The following BPTF variants were observed in gnomAD, a reference collection of about 807,000 sequenced individuals.
BPTF encodes the protein nucleosome-remodeling factor subunit BPTF.
In BPTF, 18 loss-of-function variants were observed where a neutral mutation model predicts 292.5. The observed-to-expected ratio is 0.06, with a 90% CI of 0.04 to 0.09. The LOEUF (loss-of-function observed/expected upper bound fraction) is 0.09, where lower values mean the gene tolerates loss of function less well. Ranked by LOEUF, BPTF falls within the 10% of genes least tolerant of loss-of-function variation. The pLI, the probability that BPTF is intolerant of heterozygous loss-of-function variation, is 1.00. For synonymous variants in BPTF, 1,225 were observed against 1,251.9 expected (o/e 0.98, Z 0.45); for missense variants, 2,726 against 3,498.7 (o/e 0.78, Z 5.57).
chr17:67,946,692 T>TG (rs1371255334), intron 21 of BPTF, among the ~76,000 whole-genome samples: 2 of 152,246 alleles, frequency 1.3e-5, no homozygotes, highest in Non-Finnish European at 2.9e-5. Flanking sequence ...TGTCATTCCT[T>TG]AGTTTGCATG....
chr17:67,920,291 A>G, intron 13 of BPTF, 148 bp downstream of exon 13: 1 of 869,208 alleles, frequency 1.2e-6, no homozygotes, highest in Middle Eastern at 3.4e-4. Flanking sequence ...TATTAAAGTA[A>G]TAAACATATC....
At chr17:67,933,875 A>G (rs141043312) in intron 18 of BPTF, among the ~76,000 whole-genome samples, 48 of 152,090 alleles carry the variant, frequency 3.2e-4, no homozygotes, top group African/African-American at 1.0e-3. Flanking sequence ...CCTGGCCAAC[A>G]TGGTGAAACC....
chr17:67,936,622 A>G lies in BPTF; in HGVS notation c.6260-3817A>G, dbSNP rs570051493. 4.6e-5 allele frequency: 7 copies of G among 152,228 alleles called. No homozygotes were observed. In the South Asian group the frequency reaches 1.2e-3, roughly 27 times the overall value. 9.4% of individuals were successfully genotyped at this position (152,228 alleles called of 1,614,324 possible). ...CTGGAGTCTTGAATCCCCTGTGAGGATAGGGTTTGTATGATGAACTACCCA... is the reference window on the plus strand; with the variant it reads ...CTGGAGTCTTGAATCCCCTGTGAGGGTAGGGTTTGTATGATGAACTACCCA... On this transcript the variant is annotated intron_variant, in intron 18 of 27. Coordinates refer to ENST00000306378, the MANE Select transcript of BPTF (RefSeq NM_182641.4).
chr17:67,863,919 A>G (rs992691150), intron 2 of BPTF, among the ~76,000 whole-genome samples: 4 of 151,686 alleles, frequency 2.6e-5, no homozygotes, highest in African/African-American at 9.7e-5. Flanking sequence ...TAGACATATA[A>G]TATGTATGTT....
At chr17:67,858,501 G>T (rs1373959022) in intron 2 of BPTF, among the ~76,000 whole-genome samples, 3 of 148,576 alleles carry the variant, frequency 2.0e-5, no homozygotes, top group Non-Finnish European at 4.4e-5. Context: ...GTTGCAATGA[G>T]CCGAGATGGC....
At chr17:67,888,972 G>A (rs1012736987) in intron 4 of BPTF, among the ~76,000 whole-genome samples, 6 of 152,150 alleles carry the variant, frequency 3.9e-5, no homozygotes, top group Non-Finnish European at 8.8e-5. Flanking sequence ...AGTACTTAAT[G>A]CCCAGTAACT....
intron 2 of BPTF, among the ~76,000 whole-genome samples, chr17:67,861,031 T>C (rs1157698941): frequency 6.6e-5 from 10 of 152,230 alleles, no homozygotes; most frequent in Admixed American, 1.3e-4. Context: ...AGCAGACTCC[T>C]GGACCTGTCC....
In BPTF at chr17:67,929,424, G is replaced by T. The variant is rs2147460338; in HGVS notation, c.6087G>T (p.Arg2029Ser). The change falls in exon 17 of 28, where the codon AGG becomes AGT. Residue 2029 changes from arginine to serine, a missense_variant. Arg to Ser is a moderately radical substitution (Grantham distance 110). This residue lies in a region of BPTF where 570 missense variants were observed against 633.5 expected (regional missense o/e 0.90). Coordinates refer to ENST00000306378, the MANE Select transcript of BPTF (RefSeq NM_182641.4). ...SQQTFTSFQP[R>S]TATVTIRPNT... is the part of the protein sequence containing the mutation. Reference sequence around the variant, plus strand: ...AAACCTTTACTTCATTCCAGCCCAGGACAGCAACAGTCACAATTAGGCCCA... The same window carrying T: ...AAACCTTTACTTCATTCCAGCCCAGTACAGCAACAGTCACAATTAGGCCCA... The T allele has an allele frequency of 6.2e-7, 1 of 1,614,046 alleles. No individual in the cohort carries two copies. The highest frequency in any genetic ancestry group is 2.2e-5 in the East Asian group (1 of 44,880).
intron 2 of BPTF, among the ~76,000 whole-genome samples, chr17:67,857,078 T>C (rs985059577): frequency 6.6e-6 from 1 of 151,986 alleles, no homozygotes; most frequent in African/African-American, 2.4e-5. Flanking sequence ...CACTTGTTCA[T>C]CTACTTTAAA....
intron 27 of BPTF, among the ~76,000 whole-genome samples, chr17:67,980,704 G>C (rs2070238922): frequency 6.6e-6 from 1 of 152,162 alleles, no homozygotes; most frequent in Admixed American, 6.5e-5. Flanking sequence ...TGGTAAAGGA[G>C]AGATGGAGGC....
chr17:67,919,173 AAATAATAAT>A (rs141658141), intron 12 of BPTF, among the ~76,000 whole-genome samples: 26,399 of 135,394 alleles, frequency 0.19, 3,012 homozygotes, highest in East Asian at 0.44. Context: ...CTCTGTCTCA[AAATAATAAT>A]AATAATAATA....
Position 67,903,386 on chromosome 17 carries a change from T to A in BPTF, c.2544-403T>A, listed in dbSNP as rs1366665731. On this transcript the variant is annotated intron_variant, in intron 7 of 27. Coordinates refer to ENST00000306378, the MANE Select transcript of BPTF (RefSeq NM_182641.4). The stretch of plus-strand genomic sequence containing the variant: ...AATATTTTTTAATTCCTTAAAAAAA[T>A]CTGTATATTTTGATAAGGAAAGATC... Among the ~76,000 whole-genome samples the A allele has an allele frequency of 3.3e-5, 5 of 152,234 alleles. No homozygotes were observed. In the East Asian group the frequency reaches 9.6e-4, roughly 29 times the overall value.
At chr17:67,976,709 A>AT (rs1555694126) in intron 27 of BPTF, among the ~76,000 whole-genome samples, 13 of 139,898 alleles carry the variant, frequency 9.3e-5, no homozygotes, top group South Asian at 2.3e-4. Context: ...AAAAAAAAAA[A>AT]AAAAAATAAG....
intron 27 of BPTF, among the ~76,000 whole-genome samples, chr17:67,976,488 C>G (rs1555693963): frequency 1.3e-5 from 2 of 151,810 alleles, no homozygotes; most frequent in African/African-American, 4.8e-5. Context: ...GGGGAACATC[C>G]CAGCCTTGTC....
chr17:67,828,051 C>T (rs1464324041), intron 1 of BPTF, among the ~76,000 whole-genome samples: 1 of 151,490 alleles, frequency 6.6e-6, no homozygotes, highest in Non-Finnish European at 1.5e-5. Flanking sequence ...CCTGCCTCAG[C>T]CTCCTGAGCA....
rs377156769 is a variant in BPTF, at chr17:67,909,754, G to C, written c.2985G>C (p.Lys995Asn). 4 of 1,565,830 alleles carry C rather than the reference G, an allele frequency of 2.6e-6. No individual in the cohort carries two copies. The highest frequency in any genetic ancestry group is 1.4e-5 in the African/African-American group (1 of 72,504). The change falls in exon 10 of 28, where the codon AAG becomes AAC. Residue 995 changes from lysine (K) to asparagine (N), a missense_variant. This residue lies in a region of BPTF where 713 missense variants were observed against 714.9 expected (regional missense o/e 1.00). Transcript: ENST00000306378. ...ATATCTCAAAGATTACTGAGAAGAA[G>C]GACCAAGGTAAGGAGAGTCAGCTGT... ...EMDISKITEK[K>N]DQDVKELLDS... is the part of the protein sequence containing the mutation.
rs973466831 is a variant in BPTF, at chr17:67,825,973, C to T, written c.249C>T (p.Ala83=). ...GGAAGCCGCCGCCGCCGCCGCCGGC[C>T]CCCCCCAGCACCAGCGCCCCGGGCC... ...SRRKPPPPPP[A]PPSTSAPGRG... is the part of the protein sequence containing the mutation. The change falls in exon 1 of 28, where the codon GCC becomes GCT. Residue 83 remains alanine (A), a synonymous_variant. Coordinates refer to ENST00000306378, the MANE Select transcript of BPTF (RefSeq NM_182641.4). The T allele has an allele frequency of 2.4e-4, 249 of 1,050,602 alleles. No homozygotes were observed. The highest frequency in any genetic ancestry group is 2.8e-4 in the Non-Finnish European group (245 of 873,326). 65.1% of individuals were successfully genotyped at this position (1,050,602 alleles called of 1,614,324 possible). A position where few individuals can be genotyped will look rare whatever the true frequency, so the allele number is the denominator to read the frequency against.
chr17:67,893,971 A>G, intron 6 of BPTF, 63 bp from the exon 7 acceptor site: 4 of 1,581,958 alleles, frequency 2.5e-6, no homozygotes, highest in African/African-American at 1.3e-5. Flanking sequence ...AGTTACAACT[A>G]TTGTGCTTTT....
intron 27 of BPTF, among the ~76,000 whole-genome samples, chr17:67,976,259 G>A (rs1362244878): frequency 1.3e-5 from 2 of 152,306 alleles, no homozygotes; most frequent in African/African-American, 2.4e-5. Context: ...GATCACCTGA[G>A]GTCAGGAGTT....
Sources: gnomAD v4.1 joint callset for allele counts (sites outside exome capture counted in the v4.1 genomes callset) on GRCh38, gnomAD v4.1.1 for gene constraint, gnomAD v4.1.1 regional missense constraint, MANE v1.5 for transcripts, NCBI Gene and HGNC (gene_info 2026-07-23, HGNC 2026-07-21) for gene names.